SPRING1: variants seen among roughly 807,000 people sequenced by gnomAD.
The protein encoded by SPRING1 is SREBP regulating gene protein.
SPRING1 carries 14 observed loss-of-function variants against 24.7 expected under a neutral mutation model. The observed-to-expected ratio is 0.57, with a 90% CI of 0.37 to 0.88. The LOEUF (loss-of-function observed/expected upper bound fraction) is 0.88. Among genes scored for constraint, SPRING1 ranks in the 40% least tolerant of loss-of-function variants. The probability of loss-of-function intolerance (pLI) is 0.00; values close to 1 mark genes in which losing one functional copy is unlikely to be tolerated. For missense variants in SPRING1, 255 were observed against 268.4 expected (o/e 0.95, Z 0.35); for synonymous variants, 93 against 106.1 (o/e 0.88, Z 0.76).
intron 1 of SPRING1, among the ~76,000 whole-genome samples, chr12:116,723,461 T>C (rs1870538653): frequency 6.6e-6 from 1 of 152,236 alleles, no homozygotes; most frequent in African/African-American, 2.4e-5. Flanking sequence ...GCGTGGCTCC[T>C]GGATGGCATG....
Position 116,719,929 on chromosome 12 carries a change from T to C in SPRING1, c.421-53A>G, listed in dbSNP as rs1870341180. The C allele has an allele frequency of 2.0e-6, 3 of 1,473,678 alleles. No individual in the cohort carries two copies. The East Asian group carries it at 6.8e-5, about 33-fold the overall frequency. The allele number at this position is 1,473,678 out of a possible 1,614,324, so 91.3% of individuals were successfully genotyped here. ...ATAAATTACCTAAGCCAGCACAAGG[T>C]GACCTTGGCTATCTCTCCTAAACTA... is the stretch of plus-strand genomic sequence containing the variant. On this transcript the variant is annotated intron_variant, in intron 3 of 4. Transcript: ENST00000261318.
chr12:116,717,757 G>C lies in SPRING1; in HGVS notation c.*53C>G, dbSNP rs376812526. ...TGGCTGAAGCTGGGTCCCAGGAGGCGAGTTCTTCAGCGGGGCCTCCTCACC... is the reference window on the plus strand; with the variant it reads ...TGGCTGAAGCTGGGTCCCAGGAGGCCAGTTCTTCAGCGGGGCCTCCTCACC... On this transcript the variant is annotated 3_prime_UTR_variant, in exon 5 of 5. Coordinates refer to ENST00000261318, the MANE Select transcript of SPRING1 (RefSeq NM_024738.4). The surrounding 1 kb of genome is among the most constrained non-coding windows in gnomAD (Gnocchi z 4.2). 2.7e-6 allele frequency: 4 copies of C among 1,464,112 alleles called. No individual in the cohort carries two copies. In the Admixed American group the frequency reaches 8.0e-5, roughly 29 times the overall value. 90.7% of individuals were successfully genotyped at this position (1,464,112 alleles called of 1,614,324 possible).
rs1870234370 is a variant in SPRING1, at chr12:116,717,887, G to A, written c.541C>T (p.Gln181Ter). 6.2e-7 allele frequency: 1 copy of A among 1,602,492 alleles called. No individual in the cohort carries two copies. The stretch of plus-strand genomic sequence containing the variant: ...GGGTCCCGGTAGGTGTTCTCATGCT[G>A]CACGCTCTGTTGGCAAAAGGAAAAT... Reference protein sequence around the residue: ...AKCRTSSQSVQHENTYRDPIA... With the variant: ...AKCRTSSQSV The change falls in exon 5 of 5, where the codon CAG becomes TAG. Residue 181 changes from glutamine to a stop codon, truncating the protein, a stop_gained. Transcript: ENST00000261318. LOFTEE classifies it high-confidence loss of function. This position sits in a 1 kb window ranked among gnomAD's most constrained non-coding sequence, Gnocchi z 4.2.
chr12:116,730,646 A>G (rs977279742), intron 1 of SPRING1, among the ~76,000 whole-genome samples: 2 of 152,242 alleles, frequency 1.3e-5, no homozygotes, highest in African/African-American at 4.8e-5. Flanking sequence ...AATTTTTCAT[A>G]AACTGTTCAG....
chr12:116,733,619 T>C (rs1871099182), intron 1 of SPRING1, among the ~76,000 whole-genome samples: 1 of 152,170 alleles, frequency 6.6e-6, no homozygotes, highest in African/African-American at 2.4e-5. Flanking sequence ...TGTTTTCAGC[T>C]AAGTGTTAAA....
In SPRING1 at chr12:116,720,223, G is replaced by A. The variant is rs1870358601; in HGVS notation, c.420+73C>T. The A allele has an allele frequency of 6.8e-7, 1 of 1,476,920 alleles. No homozygotes were observed. The highest frequency in any genetic ancestry group is 9.0e-7 in the Non-Finnish European group (1 of 1,108,480). 91.5% of individuals were successfully genotyped at this position (1,476,920 alleles called of 1,614,324 possible). A position where few individuals can be genotyped will look rare whatever the true frequency, so the allele number is the denominator to read the frequency against. On this transcript the variant is annotated intron_variant, in intron 3 of 4. Coordinates refer to ENST00000261318, the MANE Select transcript of SPRING1 (RefSeq NM_024738.4). The surrounding 1 kb of genome is among the most constrained non-coding windows in gnomAD (Gnocchi z 4.0). Reference sequence around the variant, plus strand: ...TATTTTCAGAGGAATCTCACATGAAGAGCCTAATGCTCATCATAAAACAGA... The same window carrying A: ...TATTTTCAGAGGAATCTCACATGAAAAGCCTAATGCTCATCATAAAACAGA...
At chr12:116,732,650 T>C (rs1592924197) in intron 1 of SPRING1, among the ~76,000 whole-genome samples, 1 of 152,226 alleles carries the variant, frequency 6.6e-6, no homozygotes, top group African/African-American at 2.4e-5. Context: ...GCGGTTGCAG[T>C]GACCTGAGAT....
intron 4 of SPRING1, 29 bp downstream of exon 4, chr12:116,719,734 C>A (rs753909676): frequency 1.3e-6 from 2 of 1,578,714 alleles, no homozygotes; most frequent in South Asian, 2.2e-5. Flanking sequence ...AGCTGCCATC[C>A]CACAGCTAGA....
Position 116,738,002 on chromosome 12 carries a change from G to C in SPRING1, c.-102C>G. 8.8e-7 allele frequency: 1 copy of C among 1,140,824 alleles called. No homozygotes were observed. The highest frequency in any genetic ancestry group is 1.1e-6 in the Non-Finnish European group (1 of 926,368). 70.7% of individuals were successfully genotyped at this position (1,140,824 alleles called of 1,614,324 possible). On this transcript the variant is annotated 5_prime_UTR_variant, in exon 1 of 5. Coordinates refer to ENST00000261318, the MANE Select transcript of SPRING1 (RefSeq NM_024738.4). Reference sequence around the variant, plus strand: ...GCGCCCGGCAGCCCCATCCCTCCAGGCAGGCGCCGGCCCCGCCGCCCGCAG... The same window carrying C: ...GCGCCCGGCAGCCCCATCCCTCCAGCCAGGCGCCGGCCCCGCCGCCCGCAG...
rs557048187 is a variant in SPRING1 at position 116,737,882 on chromosome 12, T to C, written c.19A>G (p.Met7Val). Residue 7 changes from methionine to valine, a missense_variant, in exon 1 of 5, where the codon ATG becomes GTG. Physicochemically the swap from Met to Val is conservative, Grantham distance 21. Coordinates refer to ENST00000261318, the MANE Select transcript of SPRING1 (RefSeq NM_024738.4). The stretch of plus-strand genomic sequence containing the variant: ...TTCCGCAGAAGCCGGCGCCACACCA[T>C]GGCCGCCAGGTTCACCATCCCGGCG... Reference protein sequence around the residue: MVNLAAMVWRRLLRKRW... With the variant: MVNLAAVVWRRLLRKRW... 12 of 1,567,160 alleles carry C rather than the reference T, an allele frequency of 7.7e-6. No homozygotes were observed. The highest frequency in any genetic ancestry group is 2.1e-4 in the Middle Eastern group (1 of 4,722).
At position 116,716,298 on chromosome 12, in the gene SPRING1, C is replaced by T. The variant is rs1181270478; in HGVS notation, c.*1512G>A. The T allele has an allele frequency of 1.3e-5, 2 of 152,160 alleles. No individual in the cohort carries two copies. Among genetic ancestry groups the T allele is most frequent in the Non-Finnish European group, 2.9e-5 (2 of 68,034 alleles). 9.4% of individuals were successfully genotyped at this position (152,160 alleles called of 1,614,324 possible). A position where few individuals can be genotyped will look rare whatever the true frequency, so the allele number is the denominator to read the frequency against. On this transcript the variant is annotated 3_prime_UTR_variant, in exon 5 of 5. Coordinates refer to ENST00000261318, the MANE Select transcript of SPRING1 (RefSeq NM_024738.4). Reference sequence around the variant, plus strand: ...AGTAGGAGGAAGCTAAGGGAAATCACCACTACATATTGCAGGAATGTATTA... The same window carrying T: ...AGTAGGAGGAAGCTAAGGGAAATCATCACTACATATTGCAGGAATGTATTA...
chr12:116,723,548 A>G (rs550128682), intron 1 of SPRING1, among the ~76,000 whole-genome samples: 312 of 152,302 alleles, frequency 2.0e-3, no homozygotes, highest in Non-Finnish European at 3.3e-3. Context: ...TTTCTTTCTG[A>G]TGGCAAGTAA....
intron 1 of SPRING1, among the ~76,000 whole-genome samples, chr12:116,731,285 C>A (rs1313394681): frequency 6.6e-6 from 1 of 152,200 alleles, no homozygotes; most frequent in African/African-American, 2.4e-5. Context: ...CTTGACCCCC[C>A]ATGACTTCTG....
At chr12:116,733,491 A>C (rs984498396) in intron 1 of SPRING1, among the ~76,000 whole-genome samples, 49 of 151,052 alleles carry the variant, frequency 3.2e-4, no homozygotes, top group Non-Finnish European at 2.9e-5. Context: ...GCCTCATCTT[A>C]CTTTTTAACA....
At chr12:116,727,946 CATATT>C (rs1204510595) in intron 1 of SPRING1, among the ~76,000 whole-genome samples, 7 of 152,180 alleles carry the variant, frequency 4.6e-5, no homozygotes, top group Non-Finnish European at 4.4e-5. Context: ...TAGCAAGTCT[CATATT>C]ATATGATATA....
rs950498621 is a variant in SPRING1 at position 116,728,609 on chromosome 12, G to A, written c.112-5386C>T. ...ATCAACTATTCTCCAGGCAAAAGCTGCCGCATCTGCGCCATGAGTTTCCAG... is the reference window on the plus strand; with the variant it reads ...ATCAACTATTCTCCAGGCAAAAGCTACCGCATCTGCGCCATGAGTTTCCAG... On this transcript the variant is annotated intron_variant, in intron 1 of 4. Transcript: ENST00000261318. The surrounding 1 kb of genome is among the most constrained non-coding windows in gnomAD (Gnocchi z 4.2). Among the ~76,000 whole-genome samples, 1 of 152,262 alleles carries A rather than the reference G, an allele frequency of 6.6e-6. No individual in the cohort carries two copies. The highest frequency in any genetic ancestry group is 1.5e-5 in the Non-Finnish European group (1 of 68,044).
At chr12:116,729,605 T>C (rs1870875193) in intron 1 of SPRING1, among the ~76,000 whole-genome samples, 1 of 152,234 alleles carries the variant, frequency 6.6e-6, no homozygotes, top group South Asian at 2.1e-4. Flanking sequence ...ATAAACAAAA[T>C]GTGACAGATG....
At chr12:116,727,259 G>T (rs749984447) in intron 1 of SPRING1, among the ~76,000 whole-genome samples, 2 of 152,238 alleles carry the variant, frequency 1.3e-5, no homozygotes, top group African/African-American at 4.8e-5. Flanking sequence ...CCTCAGAGCT[G>T]TTGAGAAAGG....
chr12:116,737,944 G>A lies in SPRING1; in HGVS notation c.-44C>T. On this transcript the variant is annotated 5_prime_UTR_variant, in exon 1 of 5. Transcript: ENST00000261318. Reference sequence around the variant, plus strand: ...CGCGGCGGCCGGGGCGCGGAACGCGGCAGGCCCGGGTCCCGGGCGGCATGG... The same window carrying A: ...CGCGGCGGCCGGGGCGCGGAACGCGACAGGCCCGGGTCCCGGGCGGCATGG... 2 of 1,371,164 alleles carry A rather than the reference G, an allele frequency of 1.5e-6. No individual in the cohort carries two copies. The highest frequency in any genetic ancestry group is 1.7e-5 in the South Asian group (1 of 58,858). The allele number at this position is 1,371,164 out of a possible 1,614,324, so 84.9% of individuals were successfully genotyped here. A position where few individuals can be genotyped will look rare whatever the true frequency, so the allele number is the denominator to read the frequency against.
Sources: gnomAD v4.1 joint callset for allele counts (sites outside exome capture counted in the v4.1 genomes callset) on GRCh38, gnomAD v4.1.1 for gene constraint, Gnocchi (gnomAD v3.1) non-coding constraint, MANE v1.5 for transcripts, NCBI Gene and HGNC (gene_info 2026-07-23, HGNC 2026-07-21) for gene names.